The following MAF variants were observed in gnomAD, a reference collection of about 807,000 sequenced individuals.
MAF encodes the protein MAF bZIP transcription factor, also known as transcription factor Maf.
In MAF, 10 loss-of-function variants were observed where a neutral mutation model predicts 22.0. The ratio of observed to expected loss-of-function variants is 0.45; its 90% CI spans 0.28 to 0.77. The LOEUF is 0.77. Ranked by LOEUF, MAF falls within the 30% of genes least tolerant of loss-of-function variation. MAF has a pLI of 0.12. For missense variants in MAF, 544 were observed against 548.4 expected (o/e 0.99, Z 0.08); for synonymous variants, 337 against 255.8 (o/e 1.32, Z -3.03).
the MAF span, among the ~76,000 whole-genome samples, chr16:79,481,503 T>A: frequency 3.9e-5 from 6 of 152,078 alleles, no homozygotes; most frequent in Non-Finnish European, 7.4e-5. Flanking sequence ...TACCTCTCCA[T>A]GCCCCTAACA....
the MAF span, among the ~76,000 whole-genome samples, chr16:79,425,648 G>A: frequency 6.7e-6 from 1 of 148,332 alleles, no homozygotes; most frequent in African/African-American, 2.5e-5. Flanking sequence ...ATTCATATAT[G>A]GAGCATCAAT....
At chr16:79,466,473 C>T in the MAF span, among the ~76,000 whole-genome samples, 2 of 152,096 alleles carry the variant, frequency 1.3e-5, no homozygotes, top group Admixed American at 6.5e-5. Context: ...AGTAGCAGTC[C>T]TGGGATTAAA....
the MAF span, among the ~76,000 whole-genome samples, chr16:79,410,077 G>A: frequency 6.6e-6 from 1 of 152,162 alleles, no homozygotes; most frequent in African/African-American, 2.4e-5. Context: ...CAGAGTCTTG[G>A]CGAATCCCAG....
chr16:79,402,258 A>G, the MAF span, among the ~76,000 whole-genome samples: 15 of 152,336 alleles, frequency 9.8e-5, no homozygotes, highest in East Asian at 2.7e-3. Context: ...TGCTTGACAC[A>G]GTATCTGAAG....
At chr16:79,356,411 G>C in the MAF span, among the ~76,000 whole-genome samples, 1 of 152,120 alleles carries the variant, frequency 6.6e-6, no homozygotes, top group Non-Finnish European at 1.5e-5. Context: ...GCTTTTCTGG[G>C]TCTAAATCTC....
chr16:79,386,866 T>C, the MAF span, among the ~76,000 whole-genome samples: 46 of 152,250 alleles, frequency 3.0e-4, no homozygotes, highest in Admixed American at 2.4e-3. Context: ...CCCAATTTGG[T>C]TGCTATTATA....
the MAF span, among the ~76,000 whole-genome samples, chr16:79,466,747 T>A: frequency 6.6e-6 from 1 of 152,254 alleles, no homozygotes; most frequent in Non-Finnish European, 1.5e-5. Flanking sequence ...CCACCTAATG[T>A]GGTACCTTTT....
At chr16:79,414,143 A>C in the MAF span, among the ~76,000 whole-genome samples, 1 of 152,016 alleles carries the variant, frequency 6.6e-6, no homozygotes, top group African/African-American at 2.4e-5. Flanking sequence ...ACATTGGCTG[A>C]GCTCTTGTTC....
At chr16:79,564,528 G>T in the MAF span, among the ~76,000 whole-genome samples, 1 of 152,148 alleles carries the variant, frequency 6.6e-6, no homozygotes, top group Non-Finnish European at 1.5e-5. Context: ...GACTTCCACT[G>T]GGCACATCCT....
chr16:79,301,372 G>T, the MAF span, among the ~76,000 whole-genome samples: 4 of 151,812 alleles, frequency 2.6e-5, no homozygotes, highest in African/African-American at 9.7e-5. Context: ...TGCATGAACC[G>T]GAAGCTCAAT....
the MAF span, among the ~76,000 whole-genome samples, chr16:79,305,535 G>C: frequency 6.6e-6 from 1 of 152,246 alleles, no homozygotes; most frequent in East Asian, 1.9e-4. Context: ...AAGGTGGATG[G>C]GAAACGAGGC....
At chr16:79,285,274 C>G in the MAF span, among the ~76,000 whole-genome samples, 1 of 152,092 alleles carries the variant, frequency 6.6e-6, no homozygotes, top group African/African-American at 2.4e-5. Context: ...ATATACGGCC[C>G]CCCTTTCGTT....
At chr16:79,425,356 T>A in the MAF span, among the ~76,000 whole-genome samples, 2 of 152,086 alleles carry the variant, frequency 1.3e-5, no homozygotes, top group Non-Finnish European at 2.9e-5. Flanking sequence ...GTGTGGCCTC[T>A]ATGGGTAAAA....
the MAF span, among the ~76,000 whole-genome samples, chr16:79,532,097 T>TA: frequency 0.016 from 2,397 of 152,352 alleles, 64 homozygotes; most frequent in African/African-American, 0.055. Context: ...TGACTTATAC[T>TA]AAAATATATT....
At chr16:79,324,614 A>T in the MAF span, among the ~76,000 whole-genome samples, 3 of 152,144 alleles carry the variant, frequency 2.0e-5, no homozygotes, top group African/African-American at 7.2e-5. Flanking sequence ...TGAGTCGAAA[A>T]CACCTAGGTA....
the MAF span, among the ~76,000 whole-genome samples, chr16:79,537,504 C>T: frequency 2.0e-5 from 3 of 152,206 alleles, no homozygotes; most frequent in Admixed American, 2.0e-4. Flanking sequence ...TAAGTTCGTG[C>T]GGCTGAGTCT....
the MAF span, among the ~76,000 whole-genome samples, chr16:79,350,501 C>A: frequency 1.3e-5 from 2 of 152,190 alleles, no homozygotes; most frequent in East Asian, 3.9e-4. Context: ...GCTGGACTAC[C>A]CTTTTCCAGC....
chr16:79,531,633 G>A, the MAF span, among the ~76,000 whole-genome samples: 7 of 152,058 alleles, frequency 4.6e-5, no homozygotes, highest in African/African-American at 7.2e-5. Context: ...CCTTGCATAC[G>A]CAGTTCACAG....
the MAF span, among the ~76,000 whole-genome samples, chr16:79,562,076 C>G: frequency 1.3e-5 from 2 of 152,180 alleles, no homozygotes; most frequent in Admixed American, 6.5e-5. Flanking sequence ...ACATTCCTTG[C>G]TCTACTTGGA....
Sources: gnomAD v4.1 joint callset for allele counts (sites outside exome capture counted in the v4.1 genomes callset) on GRCh38, gnomAD v4.1.1 for gene constraint, MANE v1.5 for transcripts, NCBI Gene and HGNC (gene_info 2026-07-23, HGNC 2026-07-21) for gene names.